Variants in SETBP1 observed in about 807,000 individuals in gnomAD.
SETBP1 encodes SET binding protein 1.
A neutral mutation model predicts 101.0 loss-of-function variants in SETBP1; 9 were observed. The observed-to-expected ratio is 0.09, with a 90% CI of 0.05 to 0.16. SETBP1 has a LOEUF of 0.16. Among genes scored for constraint, SETBP1 ranks in the 10% least tolerant of loss-of-function variants. The pLI is 1.00. For synonymous variants in SETBP1, 818 were observed against 788.5 expected, an observed-to-expected ratio of 1.04 and a Z score of -0.63; for missense variants, 1,858 against 2,033.8, an observed-to-expected ratio of 0.91 and a Z score of 1.66.
At chr18:44,801,983 G>T (rs923623621) in intron 2 of SETBP1, among the ~76,000 whole-genome samples, 5 of 152,086 alleles carry the variant, frequency 3.3e-5, no homozygotes, top group African/African-American at 1.2e-4. Flanking sequence ...GTCCAGCCCA[G>T]GTTAAAGGAA....
chr18:44,829,106 A>G (rs1217652995), intron 2 of SETBP1, among the ~76,000 whole-genome samples: 1 of 152,230 alleles, frequency 6.6e-6, no homozygotes, highest in African/African-American at 2.4e-5. Flanking sequence ...CAATTCCCTA[A>G]GGTCAATCTC....
intron 2 of SETBP1, among the ~76,000 whole-genome samples, chr18:44,831,540 A>G (rs563497574): frequency 3.9e-5 from 6 of 152,350 alleles, no homozygotes; most frequent in South Asian, 2.1e-4. Context: ...TGAAAATACT[A>G]TGTTCTGACT....
At chr18:44,760,021 CCTT>C (rs1332965647) in intron 2 of SETBP1, among the ~76,000 whole-genome samples, 7 of 152,296 alleles carry the variant, frequency 4.6e-5, no homozygotes, top group African/African-American at 1.4e-4. Context: ...AACCTGGGCT[CCTT>C]CTCAGCTGAG....
intron 2 of SETBP1, among the ~76,000 whole-genome samples, chr18:44,767,894 T>C (rs1048411383): frequency 6.6e-6 from 1 of 152,226 alleles, no homozygotes; most frequent in Non-Finnish European, 1.5e-5. Flanking sequence ...AGGAAGCTGA[T>C]AAAGGATAGT....
At chr18:45,015,956 C>T (rs1362316800) in intron 4 of SETBP1, among the ~76,000 whole-genome samples, 1 of 152,134 alleles carries the variant, frequency 6.6e-6, no homozygotes, top group South Asian at 2.1e-4. Context: ...GAAGTATTAC[C>T]ATTTTACACT....
intron 2 of SETBP1, among the ~76,000 whole-genome samples, chr18:44,845,036 GT>G (rs1449213929): frequency 2.0e-5 from 3 of 152,172 alleles, no homozygotes; most frequent in Non-Finnish European, 2.9e-5. Context: ...AAGAGTTTTT[GT>G]TGTTGTTGTT....
intron 2 of SETBP1, among the ~76,000 whole-genome samples, chr18:44,847,566 G>A (rs1026119174): frequency 1.4e-4 from 22 of 152,170 alleles, no homozygotes; most frequent in Admixed American, 1.4e-3. Flanking sequence ...GCTCCCTGAT[G>A]TAGAGACACG....
intron 1 of SETBP1, among the ~76,000 whole-genome samples, chr18:44,686,563 C>T (rs2068844164): frequency 6.6e-6 from 1 of 152,082 alleles, no homozygotes; most frequent in Non-Finnish European, 1.5e-5. Context: ...AGCTCTGAGC[C>T]CTTGAAAAAG....
At chr18:45,055,771 CT>C (rs2073799318) in intron 5 of SETBP1, among the ~76,000 whole-genome samples, 1 of 152,152 alleles carries the variant, frequency 6.6e-6, no homozygotes, top group African/African-American at 2.4e-5. Flanking sequence ...AAACCATCCT[CT>C]TTATTAACAA....
intron 2 of SETBP1, among the ~76,000 whole-genome samples, chr18:44,852,778 T>C (rs16978203): frequency 0.01 from 1,534 of 152,320 alleles, 24 homozygotes; most frequent in African/African-American, 0.035. Context: ...CATTCTGCCA[T>C]GTAAGCATCT....
At chr18:44,740,280 C>T (rs71356456) in intron 2 of SETBP1, among the ~76,000 whole-genome samples, 2,443 of 152,214 alleles carry the variant, frequency 0.016, 29 homozygotes, top group Non-Finnish European at 0.022. Flanking sequence ...TTTACCTTTA[C>T]GCTAATGACG....
intron 5 of SETBP1, among the ~76,000 whole-genome samples, chr18:45,050,014 A>G (rs1487117410): frequency 6.6e-6 from 1 of 152,204 alleles, no homozygotes; most frequent in Non-Finnish European, 1.5e-5. Flanking sequence ...TTGCCTTCAC[A>G]ACTTCTGAGA....
rs573125903 is a variant in SETBP1, at chr18:44,719,073, G to A, written c.486+17241G>A. On this transcript the variant is annotated intron_variant, in intron 2 of 5. Coordinates refer to ENST00000649279, the MANE Select transcript of SETBP1 (RefSeq NM_015559.3). ...ATGGTACTGATATATTTAATCTATG[G>A]GATGTCCTTGAAAGTCCCAGCATAG... is the stretch of plus-strand genomic sequence containing the variant. Among the ~76,000 whole-genome samples the A allele has an allele frequency of 2.0e-5, 3 of 152,182 alleles. No individual in the cohort carries two copies. In the South Asian group the frequency reaches 6.2e-4, roughly 32 times the overall value.
chr18:44,714,395 T>TCC, intron 2 of SETBP1, among the ~76,000 whole-genome samples: 2 of 152,140 alleles, frequency 1.3e-5, no homozygotes, highest in South Asian at 4.2e-4. Context: ...AGAGATGGGG[T>TCC]TTTGCCACGT....
rs903288678 is a variant in SETBP1 at position 44,841,810 on chromosome 18, T to C, written c.487-27420T>C. On this transcript the variant is annotated intron_variant, in intron 2 of 5. Transcript: ENST00000649279. ...TGACTTATCACCTCTTTTCACCTAT[T>C]AGAGTTCTCTGAAGGATCGGATTAC... 2.6e-5 allele frequency among the ~76,000 whole-genome samples: 4 copies of C among 152,294 alleles called. No individual in the cohort carries two copies. The South Asian group carries it at 8.3e-4, about 32-fold the overall frequency.
chr18:44,883,760 C>T (rs776109260), intron 3 of SETBP1, among the ~76,000 whole-genome samples: 2 of 152,168 alleles, frequency 1.3e-5, no homozygotes, highest in African/African-American at 2.4e-5. Flanking sequence ...GACACTGAGG[C>T]AGATTAAGGG....
intron 2 of SETBP1, among the ~76,000 whole-genome samples, chr18:44,715,239 T>C (rs1319075090): frequency 2.0e-5 from 3 of 152,222 alleles, no homozygotes; most frequent in African/African-American, 4.8e-5. Flanking sequence ...AGCTTCATCC[T>C]GGAGACCCAC....
chr18:44,876,589 G>A (rs745676633), intron 3 of SETBP1: 33 of 1,551,022 alleles, frequency 2.1e-5, no homozygotes, highest in Non-Finnish European at 2.8e-5. Flanking sequence ...TAAGGAGGAA[G>A]TCTGGAAGAG....
Position 44,758,872 on chromosome 18 carries a change from A to G in SETBP1, c.486+57040A>G, listed in dbSNP as rs543002978. Among the ~76,000 whole-genome samples the G allele has an allele frequency of 3.9e-5, 6 of 152,302 alleles. No homozygotes were observed. The South Asian group carries it at 6.2e-4, about 16-fold the overall frequency. On this transcript the variant is annotated intron_variant, in intron 2 of 5. Coordinates refer to ENST00000649279, the MANE Select transcript of SETBP1 (RefSeq NM_015559.3). ...TCCACATCAGAAAATACCAACTTGG[A>G]TTAAGGAGCATTTCTTCCATTGTCC... is the stretch of plus-strand genomic sequence containing the variant.
Sources: allele counts gnomAD v4.1 joint callset (sites outside exome capture counted in the v4.1 genomes callset), GRCh38; gene constraint gnomAD v4.1.1; transcripts MANE v1.5; gene names NCBI Gene and HGNC (gene_info 2026-07-23, HGNC 2026-07-21).